The following ALDH1A2 variants were observed in gnomAD, a reference collection of about 807,000 sequenced individuals.
ALDH1A2 encodes retinal dehydrogenase 2.
A neutral mutation model predicts 60.3 loss-of-function variants in ALDH1A2; 27 were observed. The observed-to-expected ratio is 0.45, with a 90% CI of 0.33 to 0.62. The LOEUF (loss-of-function observed/expected upper bound fraction) is 0.62. Ranked by LOEUF, ALDH1A2 falls within the 20% of genes least tolerant of loss-of-function variation. The pLI is 0.02. For missense variants in ALDH1A2, 581 were observed against 643.8 expected (o/e 0.90, Z 1.06); for synonymous variants, 289 against 232.4 (o/e 1.24, Z -2.21).
intron 1 of ALDH1A2, among the ~76,000 whole-genome samples, chr15:58,063,962 G>C (rs1261996374): frequency 1.6e-5 from 2 of 126,312 alleles, no homozygotes; most frequent in Admixed American, 1.5e-4. Flanking sequence ...TAAGAGAACT[G>C]GAAGAGCTTC....
chr15:58,033,365 G>C (rs1896294111), intron 1 of ALDH1A2, among the ~76,000 whole-genome samples: 1 of 151,792 alleles, frequency 6.6e-6, no homozygotes, highest in African/African-American at 2.4e-5. Context: ...CTTAGTTCTA[G>C]TTGATTAAAG....
At chr15:58,026,483 A>T (rs1347559308) in intron 1 of ALDH1A2, among the ~76,000 whole-genome samples, 1 of 152,142 alleles carries the variant, frequency 6.6e-6, no homozygotes, top group Non-Finnish European at 1.5e-5. Flanking sequence ...TGCATTTCCA[A>T]CTAAGGTACC....
chr15:58,041,167 A>G lies in ALDH1A2; in HGVS notation c.117+24367T>C, dbSNP rs190246959. The stretch of plus-strand genomic sequence containing the variant: ...GATCCCAAACAATCTCTCCAGTCTC[A>G]TCTCTGGACACTCATCACCAAGTAT... On this transcript the variant is annotated intron_variant, in intron 1 of 12. Transcript: ENST00000249750. Among the ~76,000 whole-genome samples the G allele has an allele frequency of 7.2e-5, 11 of 152,044 alleles. No individual in the cohort carries two copies. The East Asian group carries it at 2.1e-3, about 30-fold the overall frequency.
intron 1 of ALDH1A2, among the ~76,000 whole-genome samples, chr15:58,052,116 G>A (rs1896791083): frequency 6.6e-6 from 1 of 152,134 alleles, no homozygotes; most frequent in Non-Finnish European, 1.5e-5. Context: ...GACACTGCTA[G>A]CCACTCATTT....
At chr15:58,042,713 T>C (rs991774098) in intron 1 of ALDH1A2, among the ~76,000 whole-genome samples, 2 of 151,896 alleles carry the variant, frequency 1.3e-5, no homozygotes, top group Non-Finnish European at 2.9e-5. Flanking sequence ...ATCCAGAACA[T>C]GATTCTAGAT....
intron 7 of ALDH1A2, among the ~76,000 whole-genome samples, chr15:57,989,696 T>C (rs1006744297): frequency 1.2e-5 from 1 of 86,202 alleles, no homozygotes; most frequent in Non-Finnish European, 2.9e-5. Context: ...TATTCAGGCA[T>C]CATGTAATGT....
intron 1 of ALDH1A2, among the ~76,000 whole-genome samples, chr15:58,058,383 T>G (rs1392670509): frequency 6.6e-6 from 1 of 151,416 alleles, no homozygotes; most frequent in Non-Finnish European, 1.5e-5. Flanking sequence ...TGGGAGGTAA[T>G]TCCATTCTTC....
chr15:58,025,455 G>C (rs1362122075), intron 1 of ALDH1A2, among the ~76,000 whole-genome samples: 1 of 152,140 alleles, frequency 6.6e-6, no homozygotes, highest in African/African-American at 2.4e-5. Flanking sequence ...TACCAAGATT[G>C]AATCAGGAAG....
At chr15:58,033,352 C>T (rs1896293653) in intron 1 of ALDH1A2, among the ~76,000 whole-genome samples, 1 of 151,832 alleles carries the variant, frequency 6.6e-6, no homozygotes, top group Non-Finnish European at 1.5e-5. Flanking sequence ...TCCTTTCTTG[C>T]CTCTTAGTTC....
In ALDH1A2 at chr15:57,993,011, T is replaced by A. The variant is rs1476234176; in HGVS notation, c.618A>T (p.Thr206=). ...TTTGCTCTGCTGGCTTAATAACTAC[T>A]GTATTGCCACAGCACAAAGCTGGAG... ...KIAPALCCGN[T]VVIKPAEQTP... Residue 206 remains threonine (T), a synonymous_variant, in exon 6 of 13, where the codon ACA becomes ACT. Transcript: ENST00000249750. 6.2e-7 allele frequency: 1 copy of A among 1,613,802 alleles called. No homozygotes were observed. Among genetic ancestry groups the A allele is most frequent in the Non-Finnish European group, 8.5e-7 (1 of 1,179,966 alleles).
In ALDH1A2 at chr15:57,954,096, G is replaced by A. The variant is rs1255968427; in HGVS notation, c.*1101C>T. 1.3e-5 allele frequency: 2 copies of A among 152,408 alleles called. No individual in the cohort carries two copies. The highest frequency in any genetic ancestry group is 4.8e-5 in the African/African-American group (2 of 41,460). The allele number at this position is 152,408 out of a possible 1,614,324, so 9.4% of individuals were successfully genotyped here. On this transcript the variant is annotated 3_prime_UTR_variant, in exon 13 of 13. Transcript: ENST00000249750. ...CCTGGCACAATGGAACTTGGCAAAT[G>A]GAAAAGGAAACCCCTAGGCTTGGCC...
chr15:57,969,264 G>A (rs542606081), intron 7 of ALDH1A2, among the ~76,000 whole-genome samples: 1 of 152,218 alleles, frequency 6.6e-6, no homozygotes, highest in Non-Finnish European at 1.5e-5. Flanking sequence ...CAGCTAAAAG[G>A]ACTCCCATGT....
At chr15:58,037,502 G>A (rs769251116) in intron 1 of ALDH1A2, among the ~76,000 whole-genome samples, 78 of 151,718 alleles carry the variant, frequency 5.1e-4, no homozygotes, top group Non-Finnish European at 8.1e-4. Flanking sequence ...TGAATAACTA[G>A]CTTTATTTTT....
chr15:57,993,417 AC>A (rs1894959013), intron 5 of ALDH1A2, among the ~76,000 whole-genome samples: 1 of 152,014 alleles, frequency 6.6e-6, no homozygotes, highest in African/African-American at 2.4e-5. Flanking sequence ...GTGTATGAAA[AC>A]TTTTCTTGCA....
chr15:58,002,386 A>G (rs1472680987), intron 4 of ALDH1A2, among the ~76,000 whole-genome samples: 1 of 151,956 alleles, frequency 6.6e-6, no homozygotes, highest in Non-Finnish European at 1.5e-5. Context: ...AGAAATATTT[A>G]ATTAGAAAAA....
intron 3 of ALDH1A2, 105 bp from the exon 4 acceptor site, chr15:58,010,883 T>G: frequency 6.6e-6 from 9 of 1,359,124 alleles, no homozygotes; most frequent in Non-Finnish European, 9.3e-6. Context: ...CAAATGCATA[T>G]GGAGTTGCAT....
chr15:57,985,592 G>C (rs1264777947), intron 7 of ALDH1A2, among the ~76,000 whole-genome samples: 1 of 152,082 alleles, frequency 6.6e-6, no homozygotes, highest in Non-Finnish European at 1.5e-5. Context: ...TTTAAAGCAG[G>C]GGAGGGTTCT....
chr15:57,992,850 G>A, intron 6 of ALDH1A2, 32 bp from the exon 7 acceptor site: 1 of 1,613,686 alleles, frequency 6.2e-7, no homozygotes, highest in Non-Finnish European at 8.5e-7. Flanking sequence ...AAACGTGGCT[G>A]ATGAAAGCTG....
intron 4 of ALDH1A2, among the ~76,000 whole-genome samples, chr15:58,006,483 C>T (rs537321809): frequency 3.3e-5 from 5 of 152,012 alleles, no homozygotes; most frequent in South Asian, 2.1e-4. Context: ...CATGCATGTG[C>T]ATGTGTCTTT....
Sources: allele counts gnomAD v4.1 joint callset (sites outside exome capture counted in the v4.1 genomes callset), GRCh38; gene constraint gnomAD v4.1.1; transcripts MANE v1.5; gene names NCBI Gene and HGNC (gene_info 2026-07-23, HGNC 2026-07-21).